The following CLYBL variants were observed in gnomAD, a reference collection of about 807,000 sequenced individuals.
CLYBL encodes citramalyl-CoA lyase, mitochondrial.
In CLYBL, 31 loss-of-function variants were observed where a neutral mutation model predicts 38.9. The observed-to-expected ratio is 0.80, with a 90% CI of 0.60 to 1.08. The LOEUF (loss-of-function observed/expected upper bound fraction) is 1.08, where lower values mean the gene tolerates loss of function less well. Among genes scored for constraint, CLYBL ranks in the 50% least tolerant of loss-of-function variants. The pLI, the probability that CLYBL is intolerant of heterozygous loss-of-function variation, is 0.00. For synonymous variants in CLYBL, 171 were observed against 158.6 expected (o/e 1.08, Z -0.59); for missense variants, 434 against 411.6 (o/e 1.05, Z -0.47).
At chr13:99,894,291 C>T (rs2052543581), downstream of CLYBL, 1 of 152,238 alleles carries the variant, frequency 6.6e-6, no homozygotes. Context: ...CACTGGGCAC[C>T]CCCGACACGG....
intron 7 of CLYBL, among the ~76,000 whole-genome samples, chr13:99,881,071 C>T (rs1365489890): frequency 6.6e-6 from 1 of 152,182 alleles, no homozygotes; most frequent in Non-Finnish European, 1.5e-5. Flanking sequence ...CCCCATCCCA[C>T]CCCAAACCCG....
chr13:99,640,014 A>G (rs2047071611), intron 1 of CLYBL, among the ~76,000 whole-genome samples: 2 of 152,272 alleles, frequency 1.3e-5, no homozygotes, highest in African/African-American at 4.8e-5. Flanking sequence ...TGTGATTGTC[A>G]TATACATAGT....
At chr13:99,744,037 A>G (rs1280567858) in intron 1 of CLYBL, among the ~76,000 whole-genome samples, 2 of 131,058 alleles carry the variant, frequency 1.5e-5, no homozygotes, top group African/African-American at 6.0e-5. Context: ...CGGTGGCGCG[A>G]TATCAGCTCA....
intron 1 of CLYBL, among the ~76,000 whole-genome samples, chr13:99,766,365 A>G (rs2049268762): frequency 6.6e-6 from 1 of 151,988 alleles, no homozygotes; most frequent in African/African-American, 2.4e-5. Context: ...TTTCTGCTTG[A>G]TTTCTTTTTA....
At chr13:99,884,418 T>G (rs543774250) in intron 7 of CLYBL, among the ~76,000 whole-genome samples, 8 of 152,186 alleles carry the variant, frequency 5.3e-5, no homozygotes, top group African/African-American at 1.9e-4. Flanking sequence ...TCCTGACCCT[T>G]TCCCCTGCTT....
At chr13:99,641,062 GA>G (rs1477531702) in intron 1 of CLYBL, among the ~76,000 whole-genome samples, 5 of 152,156 alleles carry the variant, frequency 3.3e-5, no homozygotes, top group African/African-American at 4.8e-5. Flanking sequence ...ATGAAAATTT[GA>G]AAAGTATGTA....
chr13:99,703,990 G>A (rs2048108962), intron 1 of CLYBL, among the ~76,000 whole-genome samples: 1 of 152,188 alleles, frequency 6.6e-6, no homozygotes, highest in South Asian at 2.1e-4. Flanking sequence ...AGATATTCCT[G>A]TGTTTGCAGT....
intron 7 of CLYBL, 23 bp from the exon 8 acceptor site, chr13:99,891,295 A>C (rs746769740): frequency 2.0e-6 from 3 of 1,533,374 alleles, no homozygotes; most frequent in African/African-American, 1.4e-5. Context: ...TCTTTCAGGA[A>C]GTTTGTATTC....
chr13:99,661,301 G>T (rs984630444), intron 1 of CLYBL, among the ~76,000 whole-genome samples: 2 of 151,970 alleles, frequency 1.3e-5, no homozygotes, highest in Non-Finnish European at 2.9e-5. Context: ...CCATGAATTA[G>T]AACTTTTTAC....
intron 1 of CLYBL, among the ~76,000 whole-genome samples, chr13:99,759,432 A>G (rs1394732057): frequency 1.3e-5 from 2 of 152,166 alleles, no homozygotes; most frequent in Non-Finnish European, 2.9e-5. Context: ...CTCTTCCACA[A>G]GAAGAACAGG....
chr13:99,621,922 A>T (rs555902935), intron 1 of CLYBL, among the ~76,000 whole-genome samples: 1 of 152,246 alleles, frequency 6.6e-6, no homozygotes, highest in East Asian at 1.9e-4. Flanking sequence ...TGGAAGTCTG[A>T]CCTAGGTTTT....
rs538848489 is a variant in CLYBL, at chr13:99,711,736, A to G, written c.63-61088A>G. 9.4e-5 allele frequency among the ~76,000 whole-genome samples: 14 copies of G among 149,086 alleles called. No individual in the cohort carries two copies. In the East Asian group the frequency reaches 2.7e-3, roughly 29 times the overall value. Reference sequence around the variant, plus strand: ...TATTTTTTATTTTTTAATATTTTTGAGACAGAGTCTTGCTGTGTCACCAGG... The same window carrying G: ...TATTTTTTATTTTTTAATATTTTTGGGACAGAGTCTTGCTGTGTCACCAGG... On this transcript the variant is annotated intron_variant, in intron 1 of 8. Transcript: ENST00000339105.
At chr13:99,855,542 T>A (rs532858220) in intron 2 of CLYBL, among the ~76,000 whole-genome samples, 6 of 151,964 alleles carry the variant, frequency 3.9e-5, no homozygotes, top group African/African-American at 1.4e-4. Context: ...GATGAGGTGG[T>A]GGAGATGAGA....
At chr13:99,668,009 C>T (rs1446542359) in intron 1 of CLYBL, among the ~76,000 whole-genome samples, 2 of 152,204 alleles carry the variant, frequency 1.3e-5, no homozygotes, top group Admixed American at 1.3e-4. Flanking sequence ...CATGGTGGCT[C>T]ACACCTGTAA....
chr13:99,615,837 G>T (rs987291825), intron 1 of CLYBL, among the ~76,000 whole-genome samples: 1 of 151,632 alleles, frequency 6.6e-6, no homozygotes, highest in African/African-American at 2.4e-5. Flanking sequence ...TTGATTTTTT[G>T]TTGTTGTTTA....
intron 3 of CLYBL, among the ~76,000 whole-genome samples, chr13:99,861,480 C>T (rs988723693): frequency 1.3e-5 from 2 of 152,176 alleles, no homozygotes; most frequent in African/African-American, 4.8e-5. Flanking sequence ...ACCAAAACCA[C>T]TAATACTGTG....
At chr13:99,677,038 A>C (rs930380617) in intron 1 of CLYBL, among the ~76,000 whole-genome samples, 1 of 149,592 alleles carries the variant, frequency 6.7e-6, no homozygotes, top group African/African-American at 2.4e-5. Flanking sequence ...TTTTTTTCCC[A>C]GGTCCTTAGG....
intron 1 of CLYBL, among the ~76,000 whole-genome samples, chr13:99,715,577 T>C (rs1237263010): frequency 2.0e-5 from 3 of 151,932 alleles, no homozygotes; most frequent in Admixed American, 2.0e-4. Flanking sequence ...TAATTTTTTG[T>C]ATTTTTTATA....
intron 1 of CLYBL, among the ~76,000 whole-genome samples, chr13:99,759,319 A>G (rs2049122851): frequency 6.6e-6 from 1 of 152,234 alleles, no homozygotes; most frequent in Non-Finnish European, 1.5e-5. Flanking sequence ...GGATAAACAG[A>G]GGAGCAGAAG....
Sources: gnomAD v4.1 joint callset for allele counts (sites outside exome capture counted in the v4.1 genomes callset) on GRCh38, gnomAD v4.1.1 for gene constraint, MANE v1.5 for transcripts, NCBI Gene and HGNC (gene_info 2026-07-23, HGNC 2026-07-21) for gene names.